GNE: variants seen among roughly 807,000 people sequenced by gnomAD.
GNE encodes bifunctional UDP-N-acetylglucosamine 2-epimerase/N-acetylmannosamine kinase.
Under a neutral mutation model 61.8 loss-of-function variants are expected in GNE, and 41 were observed. The ratio of observed to expected loss-of-function variants is 0.66; its 90% confidence interval spans 0.52 to 0.86. The LOEUF is 0.86. Among genes scored for constraint, GNE ranks in the 40% least tolerant of loss-of-function variants. The probability of loss-of-function intolerance (pLI) is 0.00; values close to 1 mark genes in which losing one functional copy is unlikely to be tolerated. For missense variants in GNE, 608 were observed against 909.1 expected (o/e 0.67, Z 4.26); for synonymous variants, 264 against 326.4 (o/e 0.81, Z 2.06).
At chr9:36,274,973 C>A (rs548190683) in intron 1 of GNE, among the ~76,000 whole-genome samples, 1 of 152,206 alleles carries the variant, frequency 6.6e-6, no homozygotes, top group Non-Finnish European at 1.5e-5. Flanking sequence ...ATCCGCCGGA[C>A]TCGGCCTCCC....
chr9:36,238,171 T>C (rs916034833), intron 3 of GNE, among the ~76,000 whole-genome samples: 4 of 152,186 alleles, frequency 2.6e-5, no homozygotes, highest in African/African-American at 9.7e-5. Context: ...ACCGTTTCTT[T>C]ATCCAATCAT....
At chr9:36,261,697 G>C (rs917138102), upstream of GNE, among the ~76,000 whole-genome samples, 1 of 152,156 alleles carries the variant, frequency 6.6e-6, no homozygotes, top group African/African-American at 2.4e-5. Flanking sequence ...GAGGCGGGTG[G>C]ATCACGAGGT....
At position 36,217,028 on chromosome 9, in the gene GNE, AGGT is replaced by A. The variant is rs1828343533; in HGVS notation, c.*334_*336del. 2.8e-6 allele frequency: 1 copy of A among 361,664 alleles called. No homozygotes were observed. Among genetic ancestry groups the A allele is most frequent in the African/African-American group, 2.1e-5 (1 of 47,524 alleles). The allele number at this position is 361,664 out of a possible 1,614,324, so 22.4% of individuals were successfully genotyped here. On this transcript the variant is annotated 3_prime_UTR_variant, in exon 12 of 12. Transcript: ENST00000642385. ...AAGTGATATCCCAGGCAAGGCCTGA[AGGT>A]CTCAGTGGTATTAATACATTAGTAA...
chr9:36,252,086 A>G (rs1382470051), intron 1 of GNE, among the ~76,000 whole-genome samples: 1 of 151,486 alleles, frequency 6.6e-6, no homozygotes, highest in Non-Finnish European at 1.5e-5. Flanking sequence ...CCTGGGTTCA[A>G]GCAATTCTCC....
intron 7 of GNE, among the ~76,000 whole-genome samples, chr9:36,223,809 T>C (rs1343128176): frequency 2.0e-5 from 3 of 151,842 alleles, no homozygotes; most frequent in Non-Finnish European, 4.4e-5. Context: ...TGGAGCGCTA[T>C]GGCGCGATCT....
rs41303221 is a variant in GNE, at chr9:36,218,153, C to T, written c.1933+30G>A. The T allele has an allele frequency of 1.4e-6, 2 of 1,468,088 alleles. No individual in the cohort carries two copies. Among genetic ancestry groups the T allele is most frequent in the East Asian group, 2.3e-5 (1 of 44,164 alleles). 90.9% of individuals were successfully genotyped at this position (1,468,088 alleles called of 1,614,324 possible). A position where few individuals can be genotyped will look rare whatever the true frequency, so the allele number is the denominator to read the frequency against. On this transcript the variant is annotated intron_variant, in intron 11 of 11. Coordinates refer to ENST00000642385, the MANE Select transcript of GNE (RefSeq NM_005476.7). This position sits in a 1 kb window ranked among gnomAD's most constrained non-coding sequence, Gnocchi z 4.1. ...ATATGATATCTGAGGCCACCCCCTG[C>T]AGCACAGCCACCTGCAGCCACATGC...
intron 1 of GNE, among the ~76,000 whole-genome samples, chr9:36,269,453 A>G (rs990009926): frequency 6.6e-6 from 1 of 151,204 alleles, no homozygotes; most frequent in African/African-American, 2.4e-5. Flanking sequence ...TGCCTACTAG[A>G]TAGTTCCTCA....
chr9:36,264,420 C>T (rs1830701903), intron 1 of GNE, among the ~76,000 whole-genome samples: 1 of 152,124 alleles, frequency 6.6e-6, no homozygotes, highest in Non-Finnish European at 1.5e-5. Context: ...CAGGCATGAG[C>T]CACCGTGCCT....
chr9:36,246,507 A>AT, intron 2 of GNE, 25 bp from the exon 3 acceptor site: 1 of 1,554,078 alleles, frequency 6.4e-7, no homozygotes, highest in African/African-American at 1.4e-5. Flanking sequence ...AAATAAAGAT[A>AT]TAAGAACATG....
At chr9:36,271,693 T>C (rs1430281395) in intron 1 of GNE, among the ~76,000 whole-genome samples, 2 of 152,182 alleles carry the variant, frequency 1.3e-5, no homozygotes, top group East Asian at 1.9e-4. Context: ...TTATTAGTTA[T>C]ACTTATGATG....
chr9:36,243,990 G>T (rs982855512), intron 3 of GNE, among the ~76,000 whole-genome samples: 6 of 150,352 alleles, frequency 4.0e-5, no homozygotes, highest in South Asian at 4.2e-4. Context: ...TTGAGACAGG[G>T]TCTTACTCTG....
At chr9:36,274,833 C>T (rs953262248) in intron 1 of GNE, among the ~76,000 whole-genome samples, 1 of 71,402 alleles carries the variant, frequency 1.4e-5, no homozygotes, top group Admixed American at 1.2e-4. Context: ...CGCCATTCTC[C>T]TGCCTCAGCC....
chr9:36,224,140 A>T (rs1353614531), intron 7 of GNE, among the ~76,000 whole-genome samples: 1 of 150,838 alleles, frequency 6.6e-6, no homozygotes, highest in African/African-American at 2.4e-5. Flanking sequence ...GGTTGACAAA[A>T]CTTTCTTGCT....
At chr9:36,249,561 T>G (rs1371155637) in intron 1 of GNE, among the ~76,000 whole-genome samples, 164 bp from the exon 2 acceptor site, 2 of 152,088 alleles carry the variant, frequency 1.3e-5, no homozygotes, top group Admixed American at 1.3e-4. Context: ...TATGTGTGAC[T>G]CTCCCATTGG....
chr9:36,220,700 A>T (rs962767833), intron 9 of GNE, among the ~76,000 whole-genome samples: 3 of 152,196 alleles, frequency 2.0e-5, no homozygotes, highest in African/African-American at 7.2e-5. Flanking sequence ...TGTATCACAC[A>T]CTACCTGCTT....
intron 7 of GNE, among the ~76,000 whole-genome samples, chr9:36,223,926 A>G (rs1177797063): frequency 6.6e-6 from 1 of 151,508 alleles, no homozygotes; most frequent in Non-Finnish European, 1.5e-5. Flanking sequence ...TAATTTTTGT[A>G]TTTTTAGTAG....
At chr9:36,271,202 C>G (rs747331776) in intron 1 of GNE, among the ~76,000 whole-genome samples, 3 of 152,168 alleles carry the variant, frequency 2.0e-5, no homozygotes, top group Non-Finnish European at 4.4e-5. Context: ...AGTTCTTTCT[C>G]TACCTTTGTA....
rs767409392 is a variant in GNE at position 36,223,502 on chromosome 9, C to T, written c.1282G>A (p.Gly428Ser). Residue 428 changes from glycine to serine, a missense_variant and splice_region_variant, in exon 8 of 12, where the codon GGT (glycine) becomes AGT (serine). Physicochemically the swap from Gly to Ser is moderately conservative, Grantham distance 56 (BLOSUM62 0). Transcript: ENST00000642385. ...NLRVAIVSMK[G>S]EIVKKYTQFN... ...TGAGTATACTTCTTAACTATTTCAC[C>T]CTAAAAGAGAAAACAACAAGTTCCG... is the stretch of plus-strand genomic sequence containing the variant. 6.2e-7 allele frequency: 1 copy of T among 1,609,392 alleles called. No homozygotes were observed. The highest frequency in any genetic ancestry group is 8.5e-7 in the Non-Finnish European group (1 of 1,177,040).
intron 5 of GNE, among the ~76,000 whole-genome samples, chr9:36,231,078 A>AG (rs1324332933): frequency 7.0e-6 from 1 of 142,180 alleles, no homozygotes; most frequent in East Asian, 1.9e-4. Flanking sequence ...AAAAAAAAAA[A>AG]AAAAAAGAAA....
Sources: allele counts gnomAD v4.1 joint callset (sites outside exome capture counted in the v4.1 genomes callset), GRCh38; gene constraint gnomAD v4.1.1; non-coding constraint Gnocchi (gnomAD v3.1); transcripts MANE v1.5; gene names NCBI Gene and HGNC (gene_info 2026-07-23, HGNC 2026-07-21).